The following RBFOX3 variants were observed in gnomAD, a reference collection of about 807,000 sequenced individuals.
RBFOX3 encodes the protein RNA binding fox-1 homolog 3.
In RBFOX3, 17 loss-of-function variants were observed where a neutral mutation model predicts 48.7. The observed-to-expected ratio is 0.35, with a 90% CI of 0.24 to 0.52. The LOEUF is 0.52. RBFOX3 is among the 20% of genes least tolerant of loss of function. The probability of loss-of-function intolerance (pLI) is 0.94; values close to 1 mark genes in which losing one functional copy is unlikely to be tolerated. For synonymous variants in RBFOX3, 212 were observed against 209.5 expected (o/e 1.01, Z -0.10); for missense variants, 382 against 497.5 (o/e 0.77, Z 2.21).
At chr17:79,527,202 C>G (rs1465769614) in intron 1 of RBFOX3, among the ~76,000 whole-genome samples, 1 of 152,278 alleles carries the variant, frequency 6.6e-6, no homozygotes, top group Non-Finnish European at 1.5e-5. Flanking sequence ...CCTGTCTGCA[C>G]CTGCGGATGC....
chr17:79,286,419 A>G (rs2071884725), intron 3 of RBFOX3, among the ~76,000 whole-genome samples: 1 of 152,016 alleles, frequency 6.6e-6, no homozygotes, highest in Non-Finnish European at 1.5e-5. Flanking sequence ...CCATCACCAA[A>G]TCACCCCAGC....
At chr17:79,152,344 G>A (rs1391763587) in intron 4 of RBFOX3, among the ~76,000 whole-genome samples, 2 of 152,162 alleles carry the variant, frequency 1.3e-5, no homozygotes, top group Non-Finnish European at 1.5e-5. Flanking sequence ...AGCAAACGTG[G>A]ACACTGCCTT....
At chr17:79,156,473 G>C (rs2045832044) in intron 4 of RBFOX3, among the ~76,000 whole-genome samples, 1 of 152,128 alleles carries the variant, frequency 6.6e-6, no homozygotes, top group Admixed American at 6.5e-5. Flanking sequence ...GAGCTGCTTG[G>C]GCTGGGAACT....
chr17:79,537,110 CAAAAAACAAAA>C (rs1215517330), intron 1 of RBFOX3, among the ~76,000 whole-genome samples: 2 of 135,076 alleles, frequency 1.5e-5, no homozygotes, highest in Non-Finnish European at 3.2e-5. Context: ...AACAAACAAA[CAAAAAACAAAA>C]AAAAAAAAAA....
chr17:79,573,761 C>T (rs1904446050), intron 1 of RBFOX3, among the ~76,000 whole-genome samples: 2 of 152,214 alleles, frequency 1.3e-5, no homozygotes, highest in South Asian at 4.1e-4. Context: ...CCCGGCATCA[C>T]CTGCCTCCAA....
At chr17:79,491,627 G>C (rs886931950) in intron 1 of RBFOX3, among the ~76,000 whole-genome samples, 56 of 152,236 alleles carry the variant, frequency 3.7e-4, no homozygotes, top group African/African-American at 1.3e-3. Flanking sequence ...ACATAAATAG[G>C]GGGCCAGTTT....
intron 2 of RBFOX3, among the ~76,000 whole-genome samples, chr17:79,400,968 C>A (rs915578697): frequency 1.3e-5 from 2 of 152,220 alleles, no homozygotes; most frequent in Non-Finnish European, 2.9e-5. Flanking sequence ...GCCAAGAGAT[C>A]CTCCTCCGAA....
chr17:79,120,407 A>C (rs1186531159), intron 4 of RBFOX3, among the ~76,000 whole-genome samples: 1 of 151,446 alleles, frequency 6.6e-6, no homozygotes, highest in Non-Finnish European at 1.5e-5. Context: ...GGATGGATGG[A>C]TTAAAGGGTG....
chr17:79,275,138 C>G (rs984855717), intron 3 of RBFOX3, among the ~76,000 whole-genome samples: 2 of 150,964 alleles, frequency 1.3e-5, no homozygotes, highest in African/African-American at 2.4e-5. Flanking sequence ...CTCTCTCTCT[C>G]TCTCTCTCTC....
intron 2 of RBFOX3, among the ~76,000 whole-genome samples, chr17:79,370,813 C>T (rs938762657): frequency 6.6e-6 from 1 of 152,174 alleles, no homozygotes; most frequent in African/African-American, 2.4e-5. Flanking sequence ...CACACTCACT[C>T]ACACACAAGC....
Position 79,103,554 on chromosome 17 carries a change from C to T in RBFOX3, c.415-300G>A, listed in dbSNP as rs1020708466. Among the ~76,000 whole-genome samples the T allele has an allele frequency of 1.4e-4, 21 of 152,148 alleles. No homozygotes were observed. Among genetic ancestry groups the T allele is most frequent in the African/African-American group, 4.6e-4 (19 of 41,436 alleles). On this transcript the variant is annotated intron_variant, in intron 7 of 14. Coordinates refer to ENST00000693108, the MANE Select transcript of RBFOX3 (RefSeq NM_001350451.2). The surrounding 1 kb of genome is among the most constrained non-coding windows in gnomAD (Gnocchi z 6.1). ...GGACAGGCCAAAGCCACATAAGAGA[C>T]GCCATACCTGACCACAGGCCAGGCC...
the RBFOX3 span, among the ~76,000 whole-genome samples, chr17:79,619,981 G>T: frequency 6.6e-6 from 1 of 152,118 alleles, no homozygotes; most frequent in Admixed American, 6.5e-5. Flanking sequence ...AACCACACGC[G>T]CACACACGCA....
intron 2 of RBFOX3, among the ~76,000 whole-genome samples, chr17:79,452,139 A>G (rs572707886): frequency 4.6e-4 from 70 of 152,336 alleles, no homozygotes; most frequent in African/African-American, 1.6e-3. Flanking sequence ...GGCAGACGGA[A>G]GCATGGAGGT....
intron 1 of RBFOX3, among the ~76,000 whole-genome samples, chr17:79,544,980 A>AG (rs1332295071): frequency 4.7e-5 from 7 of 150,140 alleles, no homozygotes; most frequent in African/African-American, 1.5e-4. Flanking sequence ...AAGGGCAAAA[A>AG]AAAAAAAAAA....
In RBFOX3 at chr17:79,248,628, G is replaced by A. The variant is rs185995971; in HGVS notation, c.-73-12823C>T. 1.9e-4 allele frequency among the ~76,000 whole-genome samples: 29 copies of A among 152,360 alleles called. No homozygotes were observed. In the East Asian group the frequency reaches 5.2e-3, roughly 27 times the overall value. On this transcript the variant is annotated intron_variant, in intron 3 of 14. Transcript: ENST00000693108. ...GAGTAGCTCCCATGGGCAACTGTGG[G>A]CCTGTGCTTGGTGTCCCCCACAGTG...
At chr17:79,175,494 G>A (rs902674714) in intron 4 of RBFOX3, among the ~76,000 whole-genome samples, 72 of 152,366 alleles carry the variant, frequency 4.7e-4, no homozygotes, top group African/African-American at 1.7e-3. Flanking sequence ...CCGAGGGTGG[G>A]GTGACTGGGG....
intron 3 of RBFOX3, among the ~76,000 whole-genome samples, chr17:79,274,710 C>A (rs971061260): frequency 2.0e-5 from 3 of 152,050 alleles, no homozygotes; most frequent in Non-Finnish European, 4.4e-5. Context: ...CTGGCTCACT[C>A]CCCGCTACTG....
At chr17:79,295,163 C>G (rs2074122802) in intron 3 of RBFOX3, among the ~76,000 whole-genome samples, 1 of 152,216 alleles carries the variant, frequency 6.6e-6, no homozygotes, top group Non-Finnish European at 1.5e-5. Context: ...ACGGTTTGAC[C>G]TGGCACCAGT....
rs1386171958 is a variant in RBFOX3, at chr17:79,392,474, G to T, written c.-174-84650C>A. 1.3e-5 allele frequency among the ~76,000 whole-genome samples: 2 copies of T among 152,174 alleles called. No individual in the cohort carries two copies. The highest frequency in any genetic ancestry group is 4.8e-5 in the African/African-American group (2 of 41,422). ...ATGTCGGTGGTACAGGTGTCTTGTG[G>T]CTGTCACTGAGGTTGTTCATAATCT... On this transcript the variant is annotated intron_variant, in intron 2 of 14. Coordinates refer to ENST00000693108, the MANE Select transcript of RBFOX3 (RefSeq NM_001350451.2). The surrounding 1 kb of genome is among the most constrained non-coding windows in gnomAD (Gnocchi z 5.0).
Sources: gnomAD v4.1 joint callset for allele counts (sites outside exome capture counted in the v4.1 genomes callset) on GRCh38, gnomAD v4.1.1 for gene constraint, Gnocchi (gnomAD v3.1) non-coding constraint, MANE v1.5 for transcripts, NCBI Gene and HGNC (gene_info 2026-07-23, HGNC 2026-07-21) for gene names.